Variants in VPS13B observed in about 807,000 individuals in gnomAD.
VPS13B encodes the protein vacuolar protein sorting 13 homolog B, also known as intermembrane lipid transfer protein VPS13B.
A neutral mutation model predicts 426.4 loss-of-function variants in VPS13B; 285 were observed. The observed-to-expected ratio is 0.67, with a 90% CI of 0.61 to 0.74. VPS13B has a LOEUF of 0.74. Ranked by LOEUF, VPS13B falls within the 30% of genes least tolerant of loss-of-function variation. The probability of loss-of-function intolerance (pLI) is 0.00; values close to 1 mark genes in which losing one functional copy is unlikely to be tolerated. For missense variants in VPS13B, 4,537 were observed against 4,782.6 expected (o/e 0.95, Z 1.51); for synonymous variants, 1,676 against 1,676.4 (o/e 1.00, Z 0.01).
chr8:99,335,723 GACAA>G lies in VPS13B; in HGVS notation c.2825-48481_2825-48478del, dbSNP rs1405218633. On this transcript the variant is annotated intron_variant, in intron 19 of 61. Coordinates refer to ENST00000357162, the MANE Select transcript of VPS13B (RefSeq NM_152564.5). The stretch of plus-strand genomic sequence containing the variant: ...CAAGCATTCTTATACACCAATAACA[GACAA>G]ACAGAGAGCCAAATCATGAGTGAAC... Among the ~76,000 whole-genome samples the G allele has an allele frequency of 1.2e-3, 175 of 152,138 alleles. 1 individual carries two copies. The highest frequency in any genetic ancestry group is 4.7e-4 in the Non-Finnish European group (32 of 68,000).
intron 19 of VPS13B, among the ~76,000 whole-genome samples, chr8:99,288,624 T>C (rs988056667): frequency 2.0e-5 from 3 of 152,174 alleles, no homozygotes; most frequent in East Asian, 3.9e-4. Flanking sequence ...TTTTAAGATA[T>C]CATAATTTAC....
chr8:99,056,921 T>C (rs1335849879), intron 3 of VPS13B, among the ~76,000 whole-genome samples: 1 of 152,216 alleles, frequency 6.6e-6, no homozygotes, highest in Non-Finnish European at 1.5e-5. Context: ...TTTTTCAGCA[T>C]GTAAGTCCTA....
At chr8:99,710,929 A>G (rs1832687070) in intron 36 of VPS13B, among the ~76,000 whole-genome samples, 1 of 151,856 alleles carries the variant, frequency 6.6e-6, no homozygotes, top group African/African-American at 2.4e-5. Flanking sequence ...TGCTTGAACC[A>G]GGGAGGTAGA....
chr8:99,137,800 A>T (rs1231191074), intron 12 of VPS13B, among the ~76,000 whole-genome samples: 1 of 152,134 alleles, frequency 6.6e-6, no homozygotes, highest in Non-Finnish European at 1.5e-5. Context: ...TTATAGTCCA[A>T]AGTTCTCTAA....
chr8:99,164,721 T>G (rs1206401696), intron 15 of VPS13B, among the ~76,000 whole-genome samples: 2 of 152,250 alleles, frequency 1.3e-5, no homozygotes, highest in Admixed American at 1.3e-4. Context: ...CTTCTTTGTC[T>G]CTTCTTCTCT....
intron 17 of VPS13B, among the ~76,000 whole-genome samples, chr8:99,221,300 A>C (rs1212163219): frequency 1.3e-5 from 2 of 151,250 alleles, no homozygotes; most frequent in South Asian, 2.1e-4. Context: ...TTGGGTATAT[A>C]CCCAGTAATG....
chr8:99,047,750 C>T (rs546947396), intron 3 of VPS13B, among the ~76,000 whole-genome samples: 30 of 152,052 alleles, frequency 2.0e-4, no homozygotes, highest in South Asian at 2.1e-4. Flanking sequence ...TGCAGTGGTG[C>T]GATCTTGGCT....
At position 99,379,362 on chromosome 8, in the gene VPS13B, G is replaced by A. The variant is rs184378647; in HGVS notation, c.2825-4846G>A. 7.8e-3 allele frequency among the ~76,000 whole-genome samples: 1,185 copies of A among 151,986 alleles called. 11 individuals carry two copies. Among genetic ancestry groups the A allele is most frequent in the Non-Finnish European group, 0.012 (785 of 67,940 alleles). ...TTACATTTTTTTTTGGCGGATGGGC[G>A]GGGGGGCAACAGAACTTATTTTTTA... is the stretch of plus-strand genomic sequence containing the variant. On this transcript the variant is annotated intron_variant, in intron 19 of 61. Coordinates refer to ENST00000357162, the MANE Select transcript of VPS13B (RefSeq NM_152564.5).
intron 19 of VPS13B, among the ~76,000 whole-genome samples, chr8:99,290,720 A>T (rs1453207491): frequency 2.0e-5 from 3 of 152,114 alleles, no homozygotes; most frequent in African/African-American, 7.2e-5. Context: ...TTATGAATTC[A>T]CATTGAAAGA....
At chr8:99,104,686 C>A (rs911208327) in intron 5 of VPS13B, among the ~76,000 whole-genome samples, 1 of 151,524 alleles carries the variant, frequency 6.6e-6, no homozygotes, top group Non-Finnish European at 1.5e-5. Flanking sequence ...TGCAGTGGTG[C>A]TACCTTGGCT....
chr8:99,565,271 T>G (rs183976728), intron 31 of VPS13B, among the ~76,000 whole-genome samples: 1 of 152,322 alleles, frequency 6.6e-6, no homozygotes, highest in Non-Finnish European at 1.5e-5. Context: ...TAATTTATCT[T>G]TTAAACTTCA....
chr8:99,502,378 ATAAT>A (rs1340455808), intron 26 of VPS13B, among the ~76,000 whole-genome samples: 1 of 152,218 alleles, frequency 6.6e-6, no homozygotes. Flanking sequence ...TTATAATTAA[ATAAT>A]TATTATTAGC....
chr8:99,784,589 C>T (rs1322284190), intron 43 of VPS13B, 113 bp downstream of exon 43: 6 of 1,389,896 alleles, frequency 4.3e-6, no homozygotes, highest in Non-Finnish European at 4.0e-6. Flanking sequence ...AGGAACCACA[C>T]AGCGTAGCTA....
chr8:99,332,452 T>C (rs1299758786), intron 19 of VPS13B, among the ~76,000 whole-genome samples: 1 of 151,660 alleles, frequency 6.6e-6, no homozygotes, highest in East Asian at 1.9e-4. Flanking sequence ...GTTCAATCAG[T>C]TCAAGTGTTT....
chr8:99,422,820 A>G (rs1816447797), intron 21 of VPS13B, among the ~76,000 whole-genome samples: 1 of 152,136 alleles, frequency 6.6e-6, no homozygotes. Context: ...CCTCAGAGGT[A>G]CTCTCTCACA....
rs536340603 is a variant in VPS13B, at chr8:99,633,578, C to T, written c.5221-8233C>T. 3.9e-5 allele frequency among the ~76,000 whole-genome samples: 6 copies of T among 152,100 alleles called. No individual in the cohort carries two copies. In the South Asian group the frequency reaches 1.2e-3, roughly 32 times the overall value. ...TAAACCCTAATATAATGAGGACTTG[C>T]AGCTGATTTAATCCTATTGAAAATC... On this transcript the variant is annotated intron_variant, in intron 33 of 61. Coordinates refer to ENST00000357162, the MANE Select transcript of VPS13B (RefSeq NM_152564.5).
chr8:99,418,503 CTTTCTTTCTTTCCTTT>C (rs1563718978), intron 21 of VPS13B, among the ~76,000 whole-genome samples: 1 of 130,572 alleles, frequency 7.7e-6, no homozygotes, highest in African/African-American at 2.9e-5. Flanking sequence ...TTCTTTCTTT[CTTTCTTTCTTTCCTTT>C]CTTTCTTTCT....
At chr8:99,217,784 G>A (rs530331784) in intron 17 of VPS13B, among the ~76,000 whole-genome samples, 12 of 152,274 alleles carry the variant, frequency 7.9e-5, no homozygotes, top group African/African-American at 2.2e-4. Flanking sequence ...ACTAGTTTTG[G>A]TAGTGACTAG....
chr8:99,691,263 G>C (rs1449115151), intron 35 of VPS13B, among the ~76,000 whole-genome samples: 2 of 151,990 alleles, frequency 1.3e-5, no homozygotes, highest in Non-Finnish European at 2.9e-5. Flanking sequence ...GTGTGTGTGT[G>C]TGTGTGTGTG....
Sources: gnomAD v4.1 joint callset for allele counts (sites outside exome capture counted in the v4.1 genomes callset) on GRCh38, gnomAD v4.1.1 for gene constraint, MANE v1.5 for transcripts, NCBI Gene and HGNC (gene_info 2026-07-23, HGNC 2026-07-21) for gene names.